Variants in TSHZ2 observed in about 807,000 individuals in gnomAD.
TSHZ2 encodes teashirt zinc finger homeobox 2, also known as teashirt homolog 2.
Under a neutral mutation model 74.4 loss-of-function variants are expected in TSHZ2, and 21 were observed. The ratio of observed to expected loss-of-function variants is 0.28; its 90% CI spans 0.20 to 0.41. The LOEUF is 0.41. Among genes scored for constraint, TSHZ2 ranks in the 10% least tolerant of loss-of-function variants. The pLI is 1.00. For missense variants in TSHZ2, 1,244 were observed against 1,293.5 expected, an observed-to-expected ratio of 0.96 and a Z score of 0.59; for synonymous variants, 540 against 515.3, an observed-to-expected ratio of 1.05 and a Z score of -0.65.
At chr20:53,086,033 C>T (rs145920462) in intron 1 of TSHZ2, among the ~76,000 whole-genome samples, 1 of 152,302 alleles carries the variant, frequency 6.6e-6, no homozygotes, top group East Asian at 1.9e-4. Flanking sequence ...CCATCTGCAC[C>T]AATCTCTTTG....
chr20:53,292,894 C>G (rs898701026), intron 2 of TSHZ2, among the ~76,000 whole-genome samples: 1 of 152,180 alleles, frequency 6.6e-6, no homozygotes, highest in Non-Finnish European at 1.5e-5. Flanking sequence ...TAGCAAGGCT[C>G]AGATAAAAGT....
chr20:53,317,096 T>C (rs1234249378), intron 2 of TSHZ2, among the ~76,000 whole-genome samples: 2 of 152,130 alleles, frequency 1.3e-5, no homozygotes, highest in Non-Finnish European at 2.9e-5. Flanking sequence ...CAAAAGGCAG[T>C]GGTCCAAGGA....
rs2123473904 is a variant in TSHZ2 at position 53,165,830 on chromosome 20, C to G, written c.41-87669C>G. 1.3e-5 allele frequency among the ~76,000 whole-genome samples: 2 copies of G among 152,278 alleles called. 1 individual carries two copies. Among genetic ancestry groups the G allele is most frequent in the South Asian group, 4.2e-4 (2 of 4,818 alleles). ...GTCCTCCCAGCCACCCTTGACTGCC[C>G]ATTTGGGTCCACATGCAGACTCACT... On this transcript the variant is annotated intron_variant, in intron 1 of 2. Transcript: ENST00000371497.
intron 1 of TSHZ2, among the ~76,000 whole-genome samples, chr20:53,107,021 C>T (rs1165078988): frequency 2.0e-5 from 3 of 152,114 alleles, no homozygotes; most frequent in Non-Finnish European, 4.4e-5. Flanking sequence ...CTAAAATGCT[C>T]CAGGAGCAAG....
intron 1 of TSHZ2, among the ~76,000 whole-genome samples, chr20:53,167,485 G>C (rs1988089808): frequency 6.6e-6 from 1 of 152,178 alleles, no homozygotes; most frequent in African/African-American, 2.4e-5. Flanking sequence ...CATTCTCACA[G>C]TCACCAAGCT....
Position 53,272,477 on chromosome 20 carries a change from G to C in TSHZ2, c.*8+15906G>C, listed in dbSNP as rs79012120. Among the ~76,000 whole-genome samples, 275 of 152,286 alleles carry C rather than the reference G, an allele frequency of 1.8e-3. 1 individual carries two copies. The highest frequency in any genetic ancestry group is 2.5e-3 in the Non-Finnish European group (171 of 68,020). On this transcript the variant is annotated intron_variant, in intron 2 of 2. Transcript: ENST00000371497. The stretch of plus-strand genomic sequence containing the variant: ...AAAGAAAGGAAGGAAGGAGAAGAGA[G>C]AGGGAGAAAGGGACATGCTATCTAG...
At chr20:52,982,149 G>A (rs927673099) in intron 1 of TSHZ2, among the ~76,000 whole-genome samples, 2 of 152,200 alleles carry the variant, frequency 1.3e-5, no homozygotes, top group East Asian at 1.9e-4. Context: ...GCTAAGTCCT[G>A]TTCCTTATAA....
chr20:53,459,218 A>T (rs555015779), intron 2 of TSHZ2, among the ~76,000 whole-genome samples: 15 of 152,284 alleles, frequency 9.9e-5, no homozygotes, highest in East Asian at 7.7e-4. Flanking sequence ...CACTCAGGAC[A>T]TGCTTTATGA....
intron 1 of TSHZ2, among the ~76,000 whole-genome samples, chr20:53,222,972 G>A (rs1281360274): frequency 1.3e-5 from 2 of 152,194 alleles, no homozygotes; most frequent in South Asian, 2.1e-4. Context: ...TTTATATGTC[G>A]ATTTGAATCA....
intron 2 of TSHZ2, among the ~76,000 whole-genome samples, chr20:53,469,505 C>T (rs1225983563): frequency 2.0e-5 from 3 of 151,242 alleles, no homozygotes. Context: ...GATCACGCCA[C>T]TGCACTCCAG....
rs549962099 is a variant in TSHZ2, at chr20:53,490,069, C to T, written c.*2934C>T. ...TCAAGTATCGCCATTCTTCCACCAC[C>T]TCTTGGTACCAGTGAGAGCGAGAGA... On this transcript the variant is annotated 3_prime_UTR_variant, in exon 3 of 3. Coordinates refer to ENST00000371497, the MANE Select transcript of TSHZ2 (RefSeq NM_173485.6). 1.3e-5 allele frequency: 2 copies of T among 152,306 alleles called. No individual in the cohort carries two copies. Among genetic ancestry groups the T allele is most frequent in the East Asian group, 3.9e-4 (2 of 5,194 alleles). The allele number at this position is 152,306 out of a possible 1,614,324, so 9.4% of individuals were successfully genotyped here.
At chr20:53,178,800 G>A (rs956866524) in intron 1 of TSHZ2, 1 of 152,184 alleles carries the variant, frequency 6.6e-6, no homozygotes, top group Non-Finnish European at 1.5e-5. Context: ...ATAGCATCCA[G>A]TCATAGCATC....
intron 1 of TSHZ2, among the ~76,000 whole-genome samples, chr20:53,148,207 C>CT (rs1197517104): frequency 1.6e-4 from 25 of 152,162 alleles, no homozygotes; most frequent in Non-Finnish European, 1.5e-5. Flanking sequence ...TGTTATTTCT[C>CT]TTTGGGGATT....
rs767902590 is a variant in TSHZ2, at chr20:53,254,797, A to G, written c.1339A>G (p.Ser447Gly). The G allele has an allele frequency of 5.0e-6, 8 of 1,613,612 alleles. No individual in the cohort carries two copies. The South Asian group carries it at 7.7e-5, about 16-fold the overall frequency. The change falls in exon 2 of 3, where the codon AGT becomes GGT. Residue 447 changes from serine (S) to glycine (G), a missense_variant. Physicochemically the swap from Ser to Gly is moderately conservative, Grantham distance 56 (BLOSUM62 0). Coordinates refer to ENST00000371497, the MANE Select transcript of TSHZ2 (RefSeq NM_173485.6). ...NSDSLAPKPS[S>G]NSASDCTAST... ...TGATTCTCTGGCTCCCAAGCCATCC[A>G]GTAACTCAGCATCAGATTGTACAGC...
At chr20:53,229,401 T>C (rs140853861) in intron 1 of TSHZ2, among the ~76,000 whole-genome samples, 4 of 152,308 alleles carry the variant, frequency 2.6e-5, no homozygotes, top group Non-Finnish European at 5.9e-5. Flanking sequence ...GCAGCCATGT[T>C]TTATATCAAC....
intron 2 of TSHZ2, among the ~76,000 whole-genome samples, chr20:53,345,738 C>T (rs1429465948): frequency 6.8e-6 from 1 of 148,082 alleles, no homozygotes; most frequent in Non-Finnish European, 1.5e-5. Flanking sequence ...CTCCTCCCTG[C>T]CCCTCCTCCC....
chr20:53,439,364 T>A (rs1228655060), intron 2 of TSHZ2, among the ~76,000 whole-genome samples: 1 of 152,216 alleles, frequency 6.6e-6, no homozygotes, highest in Non-Finnish European at 1.5e-5. Flanking sequence ...AAAAAATTTT[T>A]AACCTAATAA....
rs540395165 is a variant in TSHZ2 at position 53,264,283 on chromosome 20, G to T, written c.*8+7712G>T. 2.7e-5 allele frequency among the ~76,000 whole-genome samples: 4 copies of T among 150,300 alleles called. No homozygotes were observed. The East Asian group carries it at 6.6e-4, about 25-fold the overall frequency. On this transcript the variant is annotated intron_variant, in intron 2 of 2. Coordinates refer to ENST00000371497, the MANE Select transcript of TSHZ2 (RefSeq NM_173485.6). ...GAGGCTCAGAGAAGGCATTTCAGGT[G>T]CAGGTAGCAGGTAGCAGGTAGCACA...
At chr20:53,476,021 C>T (rs1985982704) in intron 2 of TSHZ2, among the ~76,000 whole-genome samples, 4 of 134,636 alleles carry the variant, frequency 3.0e-5, no homozygotes, top group South Asian at 2.6e-4. Flanking sequence ...TAATCAATAG[C>T]TTACCAACCA....
Sources: allele counts gnomAD v4.1 joint callset (sites outside exome capture counted in the v4.1 genomes callset), GRCh38; gene constraint gnomAD v4.1.1; transcripts MANE v1.5; gene names NCBI Gene and HGNC (gene_info 2026-07-23, HGNC 2026-07-21).